Variants in PDS5B observed in about 807,000 individuals in gnomAD.
PDS5B encodes the protein PDS5 cohesin associated factor B, also known as sister chromatid cohesion protein PDS5 homolog B.
A neutral mutation model predicts 184.1 loss-of-function variants in PDS5B; 51 were observed. That is an observed-to-expected ratio of 0.28 (90% confidence interval 0.22 to 0.35). The LOEUF is 0.35. PDS5B is among the 10% of genes least tolerant of loss of function. The pLI is 1.00. For synonymous variants in PDS5B, 566 were observed against 569.2 expected (o/e 0.99, Z 0.08); for missense variants, 1,180 against 1,723.3 (o/e 0.68, Z 5.58).
intron 23 of PDS5B, among the ~76,000 whole-genome samples, chr13:32,743,530 G>A (rs905816773): frequency 6.6e-6 from 1 of 151,994 alleles, no homozygotes; most frequent in African/African-American, 2.4e-5. Flanking sequence ...CCCCTCCTTG[G>A]TAATACAAAA....
At chr13:32,751,015 T>C (rs1953963918) in intron 24 of PDS5B, among the ~76,000 whole-genome samples, 1 of 152,176 alleles carries the variant, frequency 6.6e-6, no homozygotes, top group Non-Finnish European at 1.5e-5. Context: ...AGGTAGTTTT[T>C]CCATCTTCAC....
chr13:32,675,194 A>G (rs1951033789), intron 8 of PDS5B, among the ~76,000 whole-genome samples: 2 of 152,196 alleles, frequency 1.3e-5, no homozygotes, highest in South Asian at 2.1e-4. Flanking sequence ...CAAGTCTAGT[A>G]TTGTGACTGG....
chr13:32,762,678 CT>C (rs1342690216), intron 30 of PDS5B, among the ~76,000 whole-genome samples: 1 of 152,090 alleles, frequency 6.6e-6, no homozygotes, highest in Non-Finnish European at 1.5e-5. Context: ...CTCTTCCCCC[CT>C]CTATATTTTT....
chr13:32,638,475 A>G (rs2058600918), intron 1 of PDS5B, among the ~76,000 whole-genome samples: 1 of 152,152 alleles, frequency 6.6e-6, no homozygotes, highest in Non-Finnish European at 1.5e-5. Flanking sequence ...GTGAATGGGA[A>G]TTGAAAGTAG....
intron 6 of PDS5B, among the ~76,000 whole-genome samples, chr13:32,662,790 C>T (rs999442416): frequency 8.5e-5 from 13 of 152,056 alleles, no homozygotes; most frequent in Admixed American, 7.9e-4. Flanking sequence ...AACACAGTGA[C>T]ATTCCATCAA....
chr13:32,762,208 A>C (rs946597493), intron 30 of PDS5B, among the ~76,000 whole-genome samples: 5 of 152,228 alleles, frequency 3.3e-5, no homozygotes, highest in Non-Finnish European at 7.3e-5. Context: ...TTTTAGCATA[A>C]GTGCTTAGGG....
At chr13:32,679,182 GT>G (rs1195837802) in intron 10 of PDS5B, among the ~76,000 whole-genome samples, 1 of 151,456 alleles carries the variant, frequency 6.6e-6, no homozygotes, top group African/African-American at 2.4e-5. Flanking sequence ...GGTTAAATTA[GT>G]TTACCATGAC....
intron 19 of PDS5B, among the ~76,000 whole-genome samples, chr13:32,722,252 A>C (rs1440225101): frequency 1.3e-4 from 20 of 152,356 alleles, no homozygotes; most frequent in African/African-American, 4.6e-4. Context: ...GGCACTGGGC[A>C]GGCTGAGGCA....
chr13:32,777,089 T>G lies in PDS5B; in HGVS notation c.*2037T>G, dbSNP rs1954979380. 1 of 152,056 alleles carries G rather than the reference T, an allele frequency of 6.6e-6. No homozygotes were observed. The highest frequency in any genetic ancestry group is 2.4e-5 in the African/African-American group (1 of 41,448). 9.4% of individuals were successfully genotyped at this position (152,056 alleles called of 1,614,324 possible). A position where few individuals can be genotyped will look rare whatever the true frequency, so the allele number is the denominator to read the frequency against. Reference sequence around the variant, plus strand: ...AGGAATAGCTTTGTATTTTTGTCATTGATTAAATTGCACCAGAAATGTTTA... The same window carrying G: ...AGGAATAGCTTTGTATTTTTGTCATGGATTAAATTGCACCAGAAATGTTTA... On this transcript the variant is annotated 3_prime_UTR_variant, in exon 35 of 35. Coordinates refer to ENST00000315596, the MANE Select transcript of PDS5B (RefSeq NM_015032.4).
chr13:32,749,493 ATAATT>A (rs71695670), intron 24 of PDS5B, among the ~76,000 whole-genome samples: 56,768 of 151,708 alleles, frequency 0.37, 11,216 homozygotes, highest in Non-Finnish European at 0.45. Flanking sequence ...GAATTTTAAC[ATAATT>A]TAATAATTAC....
At chr13:32,762,378 T>A (rs748453797) in intron 30 of PDS5B, among the ~76,000 whole-genome samples, 1 of 152,202 alleles carries the variant, frequency 6.6e-6, no homozygotes, top group African/African-American at 2.4e-5. Flanking sequence ...AAATTTCTTA[T>A]AATGAATAAA....
intron 20 of PDS5B, among the ~76,000 whole-genome samples, chr13:32,733,559 A>C (rs900676408): frequency 6.6e-6 from 1 of 152,196 alleles, no homozygotes; most frequent in Non-Finnish European, 1.5e-5. Flanking sequence ...ATTTTTGACT[A>C]AATGAAGCCT....
At chr13:32,645,094 C>G (rs995684181) in intron 1 of PDS5B, among the ~76,000 whole-genome samples, 1 of 152,164 alleles carries the variant, frequency 6.6e-6, no homozygotes, top group African/African-American at 2.4e-5. Flanking sequence ...TCACTGCATC[C>G]TTGAACTCCT....
At chr13:32,732,303 A>T in intron 20 of PDS5B, 79 bp downstream of exon 20, 1 of 984,654 alleles carries the variant, frequency 1.0e-6, no homozygotes, top group Admixed American at 2.4e-5. Flanking sequence ...TGGAATGTTC[A>T]CATTTGGTGA....
rs534149284 is a variant in PDS5B, at chr13:32,729,378, G to A, written c.2124-2723G>A. Among the ~76,000 whole-genome samples, 13 of 152,250 alleles carry A rather than the reference G, an allele frequency of 8.5e-5. No homozygotes were observed. The East Asian group carries it at 2.5e-3, about 29-fold the overall frequency. On this transcript the variant is annotated intron_variant, in intron 19 of 34. Coordinates refer to ENST00000315596, the MANE Select transcript of PDS5B (RefSeq NM_015032.4). Reference sequence around the variant, plus strand: ...GCATTTGGATTGGTTCCAAGTCTTTGCTATTGTGAATAGTGCTGCAGTAAA... The same window carrying A: ...GCATTTGGATTGGTTCCAAGTCTTTACTATTGTGAATAGTGCTGCAGTAAA...
intron 28 of PDS5B, among the ~76,000 whole-genome samples, 192 bp downstream of exon 28, chr13:32,758,845 T>C (rs1339400571): frequency 6.6e-6 from 1 of 152,166 alleles, no homozygotes; most frequent in African/African-American, 2.4e-5. Flanking sequence ...CTGGTGTTTA[T>C]GTTCAGTTTT....
rs765995940 is a variant in PDS5B at position 32,773,342 on chromosome 13, C to T, written c.4308+18C>T. 3 of 1,598,598 alleles carry T rather than the reference C, an allele frequency of 1.9e-6. No individual in the cohort carries two copies. The highest frequency in any genetic ancestry group is 2.6e-6 in the Non-Finnish European group (3 of 1,173,160). ...CAGTAAATGTATGTGTTCAAAGTTT[C>T]TGTGAGTGGTGTGGGATATAAAAAG... On this transcript the variant is annotated intron_variant, in intron 34 of 34. Transcript: ENST00000315596.
chr13:32,764,567 C>A lies in PDS5B; in HGVS notation c.3597C>A (p.Asp1199Glu), dbSNP rs756157790. Residue 1199 changes from aspartate (D) to glutamate (E), a missense_variant, in exon 31 of 35, where the codon GAC (aspartate) becomes GAA (glutamate). Coordinates refer to ENST00000315596, the MANE Select transcript of PDS5B (RefSeq NM_015032.4). ...CACCTTTGCCGGGGAAAAAAAGTGA[C>A]AAGAGAGACGACTCTGATCTTGTAA... is the stretch of plus-strand genomic sequence containing the variant. The part of the protein sequence containing the change: ...MSSPLPGKKS[D>E]KRDDSDLVRS... 4 of 1,599,402 alleles carry A rather than the reference C, an allele frequency of 2.5e-6. No individual in the cohort carries two copies. In the East Asian group the frequency reaches 9.0e-5, roughly 36 times the overall value.
chr13:32,729,183 G>A (rs1953015504), intron 19 of PDS5B, among the ~76,000 whole-genome samples: 2 of 152,112 alleles, frequency 1.3e-5, no homozygotes, highest in Admixed American at 6.5e-5. Context: ...ACTTATGAGT[G>A]AGAACATGTG....
Sources: gnomAD v4.1 joint callset for allele counts (sites outside exome capture counted in the v4.1 genomes callset) on GRCh38, gnomAD v4.1.1 for gene constraint, MANE v1.5 for transcripts, NCBI Gene and HGNC (gene_info 2026-07-23, HGNC 2026-07-21) for gene names.